CUX1: variants seen among roughly 807,000 people sequenced by gnomAD.
CUX1 encodes cut like homeobox 1.
In CUX1, 31 loss-of-function variants were observed where a neutral mutation model predicts 158.8. The ratio of observed to expected loss-of-function variants is 0.20; its 90% CI spans 0.15 to 0.26. The LOEUF is 0.26. Among genes scored for constraint, CUX1 ranks in the 10% least tolerant of loss-of-function variants. The pLI is 1.00. For missense variants in CUX1, 1,589 were observed against 2,014.6 expected (o/e 0.79, Z 4.04); for synonymous variants, 879 against 862.1 (o/e 1.02, Z -0.34).
intron 1 of CUX1, among the ~76,000 whole-genome samples, chr7:101,871,790 G>A (rs1798581635): frequency 6.6e-6 from 1 of 152,170 alleles, no homozygotes. Context: ...GGCCAAGGCG[G>A]GTGGATCACC....
Position 102,275,348 on chromosome 7 carries a change from G to A in CUX1, c.1552G>A (p.Glu518Lys), listed in dbSNP as rs957838770. ...GGAGCGCTTCCGTGCCCGGAACCAG[G>A]AGCTTGAGGCCGTGAGTCACATCCT... Residue 518 changes from glutamate (E) to lysine (K), a missense_variant, in exon 17 of 23, where the codon GAG (glutamate) becomes AAG (lysine). Coordinates refer to the CUX1 transcript ENST00000292538. 6.2e-7 allele frequency: 1 copy of A among 1,612,734 alleles called. No individual in the cohort carries two copies. Among genetic ancestry groups the A allele is most frequent in the South Asian group, 1.1e-5 (1 of 90,928 alleles).
At chr7:102,181,617 G>A (rs60345263) in intron 11 of CUX1, among the ~76,000 whole-genome samples, 12,742 of 152,180 alleles carry the variant, frequency 0.084, 834 homozygotes, top group African/African-American at 0.18. Flanking sequence ...ACAATTCAGC[G>A]ATACTTCTTC....
chr7:102,165,467 C>T (rs984860372), intron 9 of CUX1, among the ~76,000 whole-genome samples: 10 of 151,088 alleles, frequency 6.6e-5, no homozygotes, highest in African/African-American at 2.4e-4. Context: ...ATTCTCATGC[C>T]AATTCTCATG....
chr7:101,889,627 CTGGGCCTGG>C, intron 1 of CUX1, among the ~76,000 whole-genome samples: 1 of 152,090 alleles, frequency 6.6e-6, no homozygotes, highest in Non-Finnish European at 1.5e-5. Context: ...AAAAAATTAG[CTGGGCCTGG>C]TGGTGAGCAC....
intron 22 of CUX1, among the ~76,000 whole-genome samples, chr7:102,235,928 G>C (rs971522545): frequency 1.3e-5 from 2 of 151,792 alleles, no homozygotes; most frequent in African/African-American, 4.8e-5. Context: ...AGGAGAGAGA[G>C]TGTCTGGTGC....
At chr7:101,835,796 C>T (rs1794557325) in intron 1 of CUX1, among the ~76,000 whole-genome samples, 1 of 152,172 alleles carries the variant, frequency 6.6e-6, no homozygotes, top group Non-Finnish European at 1.5e-5. Flanking sequence ...AGTGCAATGG[C>T]GCGATCTTGG....
At chr7:101,951,459 A>G (rs920271058) in intron 2 of CUX1, among the ~76,000 whole-genome samples, 1 of 152,068 alleles carries the variant, frequency 6.6e-6, no homozygotes, top group Non-Finnish European at 1.5e-5. Flanking sequence ...CCTGCTGAAC[A>G]TCGATCAACC....
chr7:102,236,627 A>G (rs187295656), intron 22 of CUX1, among the ~76,000 whole-genome samples: 1 of 152,210 alleles, frequency 6.6e-6, no homozygotes, highest in East Asian at 1.9e-4. Context: ...AGTAGAGAAA[A>G]TGCTGTCATG....
At chr7:101,978,036 C>T (rs1464432437) in intron 2 of CUX1, among the ~76,000 whole-genome samples, 1 of 151,796 alleles carries the variant, frequency 6.6e-6, no homozygotes, top group African/African-American at 2.4e-5. Flanking sequence ...CATCACTCTG[C>T]TGGGTCCCCA....
intron 1 of CUX1, among the ~76,000 whole-genome samples, chr7:101,863,983 G>A (rs895667121): frequency 6.6e-6 from 1 of 152,112 alleles, no homozygotes; most frequent in Non-Finnish European, 1.5e-5. Flanking sequence ...CCATTTGGCT[G>A]TGGTGACACT....
At chr7:101,986,773 C>T (rs892288756) in intron 2 of CUX1, among the ~76,000 whole-genome samples, 10 of 152,172 alleles carry the variant, frequency 6.6e-5, no homozygotes, top group Admixed American at 2.0e-4. Context: ...GGCCCAACTC[C>T]GGACCCTACC....
At chr7:102,036,823 A>C (rs1278437759) in intron 3 of CUX1, among the ~76,000 whole-genome samples, 1 of 152,054 alleles carries the variant, frequency 6.6e-6, no homozygotes, top group African/African-American at 2.4e-5. Flanking sequence ...AATAAATTGC[A>C]AAGATGGTAT....
Position 102,248,539 on chromosome 7 carries a change from G to A in CUX1, c.4015G>A (p.Asp1339Asn), listed in dbSNP as rs782081827. The part of the protein sequence containing the change: ...AAPSSEGDSC[D>N]GVEATEGPGS... ...GCCCAGCTCGGAGGGCGACAGCTGCGACGGCGTGGAGGCCACTGAGGGCCC... is the reference window on the plus strand; with the variant it reads ...GCCCAGCTCGGAGGGCGACAGCTGCAACGGCGTGGAGGCCACTGAGGGCCC... The change falls in exon 24 of 24, where the codon GAC (aspartate) becomes AAC (asparagine). Residue 1339 changes from aspartate to asparagine, a missense_variant. Coordinates refer to ENST00000292535, the MANE Select transcript of CUX1 (RefSeq NM_181552.4). This position sits in a 1 kb window ranked among gnomAD's most constrained non-coding sequence, Gnocchi z 5.8. 8.6e-6 allele frequency: 13 copies of A among 1,512,200 alleles called. No individual in the cohort carries two copies. Among genetic ancestry groups the A allele is most frequent in the Middle Eastern group, 1.8e-4 (1 of 5,674 alleles). The allele number at this position is 1,512,200 out of a possible 1,614,324, so 93.7% of individuals were successfully genotyped here. A position where few individuals can be genotyped will look rare whatever the true frequency, so the allele number is the denominator to read the frequency against.
intron 4 of CUX1, among the ~76,000 whole-genome samples, chr7:102,090,188 A>C (rs937219601): frequency 6.6e-6 from 1 of 152,210 alleles, no homozygotes; most frequent in South Asian, 2.1e-4. Flanking sequence ...GGCTATCTTT[A>C]CAAAAATAGG....
chr7:101,895,841 G>A (rs34750675), intron 1 of CUX1, among the ~76,000 whole-genome samples: 27,156 of 151,078 alleles, frequency 0.18, 4,206 homozygotes, highest in East Asian at 0.84. Flanking sequence ...ACTGGAAGGG[G>A]GCGGATTATT....
At chr7:102,098,022 A>C (rs1368976867) in intron 5 of CUX1, among the ~76,000 whole-genome samples, 1 of 152,266 alleles carries the variant, frequency 6.6e-6, no homozygotes, top group Middle Eastern at 3.2e-3. Flanking sequence ...CCCAGCCGTC[A>C]ACAAGACAGA....
chr7:101,820,652 G>A (rs986158988), intron 1 of CUX1, among the ~76,000 whole-genome samples: 1 of 152,154 alleles, frequency 6.6e-6, no homozygotes, highest in Non-Finnish European at 1.5e-5. Context: ...CCGCGTTATC[G>A]CTGCAGAGAG....
chr7:102,254,553 A>C lies in CUX1; in HGVS notation c.*5511A>C, dbSNP rs1789677366. 2 of 985,524 alleles carry C rather than the reference A, an allele frequency of 2.0e-6. No individual in the cohort carries two copies. The highest frequency in any genetic ancestry group is 2.4e-6 in the Non-Finnish European group (2 of 830,010). 61.0% of individuals were successfully genotyped at this position (985,524 alleles called of 1,614,324 possible). On this transcript the variant is annotated 3_prime_UTR_variant, in exon 24 of 24. Transcript: ENST00000292535. ...CTGGTGGTTGGAGGTGGGTCTGTCC[A>C]CTGTGGGGGCCAAAGTGTTCCCCTG...
At chr7:102,057,238 T>G (rs1485433170) in intron 3 of CUX1, among the ~76,000 whole-genome samples, 1 of 152,226 alleles carries the variant, frequency 6.6e-6, no homozygotes, top group African/African-American at 2.4e-5. Context: ...TCATTGACAG[T>G]GCACCTGGTC....
Sources: gnomAD v4.1 joint callset for allele counts (sites outside exome capture counted in the v4.1 genomes callset) on GRCh38, gnomAD v4.1.1 for gene constraint, Gnocchi (gnomAD v3.1) non-coding constraint, MANE v1.5 for transcripts, NCBI Gene and HGNC (gene_info 2026-07-23, HGNC 2026-07-21) for gene names.